The following TNXB variants were observed in gnomAD, a reference collection of about 807,000 sequenced individuals.
TNXB encodes the protein tenascin-X.
Under a neutral mutation model 340.5 loss-of-function variants are expected in TNXB, and 183 were observed. That is an observed-to-expected ratio of 0.54 (90% CI 0.48 to 0.61). The LOEUF (loss-of-function observed/expected upper bound fraction) is 0.61. Ranked by LOEUF, TNXB falls within the 20% of genes least tolerant of loss-of-function variation. The probability of loss-of-function intolerance (pLI) is 0.00; values close to 1 mark genes in which losing one functional copy is unlikely to be tolerated. For missense variants in TNXB, 4,613 were observed against 5,446.4 expected (o/e 0.85, Z 4.82); for synonymous variants, 2,121 against 2,314.5 (o/e 0.92, Z 2.40).
intron 18 of TNXB, among the ~76,000 whole-genome samples, chr6:32,066,138 T>C (rs1398249666): frequency 3.9e-5 from 6 of 152,112 alleles, no homozygotes; most frequent in Non-Finnish European, 8.8e-5. Flanking sequence ...ATGCCTGCTA[T>C]CCCAGCACTT....
chr6:32,068,240 C>G lies in TNXB; in HGVS notation c.6220+150G>C. On this transcript the variant is annotated intron_variant, in intron 17 of 43. Coordinates refer to ENST00000644971, the MANE Select transcript of TNXB (RefSeq NM_001365276.2). The surrounding 1 kb of genome is among the most constrained non-coding windows in gnomAD (Gnocchi z 5.3). ...CAGGAGGAGCCAGTGGTCAACCTCA[C>G]AGGAAGGCCCAAGGGGAGCCCCAGC... 7.9e-7 allele frequency: 1 copy of G among 1,266,630 alleles called. No individual in the cohort carries two copies. Among genetic ancestry groups the G allele is most frequent in the Non-Finnish European group, 1.1e-6 (1 of 928,036 alleles). 78.5% of individuals were successfully genotyped at this position (1,266,630 alleles called of 1,614,324 possible). A position where few individuals can be genotyped will look rare whatever the true frequency, so the allele number is the denominator to read the frequency against.
chr6:32,097,151 C>T lies in TNXB; in HGVS notation c.702G>A (p.Val234=), dbSNP rs768963346. ...CGGGGCCTGAGAAGCCTGCCCGGCACACACACACGCCCTGCACGCAGCGCC... is the reference window on the plus strand; with the variant it reads ...CGGGGCCTGAGAAGCCTGCCCGGCATACACACACGCCCTGCACGCAGCGCC... ...GRGRCVQGVC[V]CRAGFSGPDC... Residue 234 remains valine (V), a synonymous_variant, in exon 3 of 44, where the codon GTG becomes GTA. Coordinates refer to ENST00000644971, the MANE Select transcript of TNXB (RefSeq NM_001365276.2). The surrounding 1 kb of genome is among the most constrained non-coding windows in gnomAD (Gnocchi z 5.9). The T allele has an allele frequency of 2.5e-5, 40 of 1,600,252 alleles. No homozygotes were observed. Among genetic ancestry groups the T allele is most frequent in the Non-Finnish European group, 3.4e-5 (40 of 1,174,212 alleles).
At position 32,090,847 on chromosome 6, in the gene TNXB, G is replaced by C. The variant is rs752377140; in HGVS notation, c.2359-1468C>G. 1.3e-5 allele frequency among the ~76,000 whole-genome samples: 2 copies of C among 151,968 alleles called. No individual in the cohort carries two copies. The highest frequency in any genetic ancestry group is 6.6e-5 in the Admixed American group (1 of 15,258). ...CAGAATTTATTTGTTCATTTTCTCT[G>C]TGTGTGTGTATGTCTCTTTCTCTTT... On this transcript the variant is annotated intron_variant, in intron 4 of 43. Transcript: ENST00000644971. This position sits in a 1 kb window ranked among gnomAD's most constrained non-coding sequence, Gnocchi z 4.3.
chr6:32,050,202 A>C lies in TNXB; in HGVS notation c.9235T>G (p.Ser3079Ala), dbSNP rs1370576083. 2 of 1,613,714 alleles carry C rather than the reference A, an allele frequency of 1.2e-6. No individual in the cohort carries two copies. The highest frequency in any genetic ancestry group is 1.7e-6 in the Non-Finnish European group (2 of 1,179,888). ...TDATPDSLSLSWMVPEGQFDH... is the reference protein window; with the variant it reads ...TDATPDSLSLAWMVPEGQFDH... ...AACTGGCCCTCGGGAACCATCCAGGACAGGCTGAGGGAGTCGGGGGTGGCA... is the reference window on the plus strand; with the variant it reads ...AACTGGCCCTCGGGAACCATCCAGGCCAGGCTGAGGGAGTCGGGGGTGGCA... The change falls in exon 27 of 44, where the codon TCC becomes GCC. Residue 3079 changes from serine to alanine, a missense_variant. Coordinates refer to ENST00000644971, the MANE Select transcript of TNXB (RefSeq NM_001365276.2).
In TNXB at chr6:32,068,645, G is replaced by C; in HGVS notation, c.5965C>G (p.Arg1989Gly). Residue 1989 changes from arginine to glycine, a missense_variant, in exon 17 of 44, where the codon CGC (arginine) becomes GGC (glycine). Physicochemically the swap from Arg to Gly is moderately radical, Grantham distance 125. This residue lies in a region of TNXB where 4,327 missense variants were observed against 4,859.4 expected (regional missense o/e 0.89). Transcript: ENST00000644971. The surrounding 1 kb of genome is among the most constrained non-coding windows in gnomAD (Gnocchi z 5.3). ...TCTGTCACGGTCAGCTCCCCCAGGCGAGGCTTGATGGGGGGCTCGGGGGTT... is the reference window on the plus strand; with the variant it reads ...TCTGTCACGGTCAGCTCCCCCAGGCCAGGCTTGATGGGGGGCTCGGGGGTT... ...TATPEPPIKP[R>G]LGELTVTDAT... 1 of 1,613,958 alleles carries C rather than the reference G, an allele frequency of 6.2e-7. No homozygotes were observed. The highest frequency in any genetic ancestry group is 8.5e-7 in the Non-Finnish European group (1 of 1,179,888).
intron 4 of TNXB, among the ~76,000 whole-genome samples, chr6:32,094,425 C>A (rs983955129): frequency 3.9e-5 from 6 of 152,096 alleles, no homozygotes; most frequent in South Asian, 2.1e-4. Context: ...ACTTAAAAAA[C>A]CAAATATGAC....
Position 32,056,174 on chromosome 6 carries a change from G to A in TNXB, c.8144C>T (p.Ala2715Val). The A allele has an allele frequency of 1.2e-6, 2 of 1,610,814 alleles. No individual in the cohort carries two copies. Among genetic ancestry groups the A allele is most frequent in the Non-Finnish European group, 1.7e-6 (2 of 1,178,494 alleles). ...GGGGCTGGGGGTCTCTTCCTCTGCA[G>A]CTGAGAAAAGGAGATATAGAGAGGA... Reference protein sequence around the residue: ...VGPISVIGVTAAEEETPSPTE... With the variant: ...VGPISVIGVTVAEEETPSPTE... Residue 2715 changes from alanine to valine, a missense_variant and splice_region_variant, in exon 24 of 44, where the codon GCT (alanine) becomes GTT (valine). Coordinates refer to ENST00000644971, the MANE Select transcript of TNXB (RefSeq NM_001365276.2).
intron 4 of TNXB, among the ~76,000 whole-genome samples, chr6:32,094,114 A>AAAG (rs1479528496): frequency 8.0e-5 from 12 of 150,362 alleles, no homozygotes; most frequent in African/African-American, 2.9e-4. Flanking sequence ...AAAAAAAAAA[A>AAAG]AAAAAAAAAA....
intron 31 of TNXB, chr6:32,045,897 G>A (rs1175993691): frequency 6.7e-6 from 8 of 1,201,930 alleles, no homozygotes; most frequent in South Asian, 7.3e-5. Context: ...CAGCCCCAGC[G>A]AGTAATGAGG....
At position 32,043,050 on chromosome 6, in the gene TNXB, C is replaced by T; in HGVS notation, c.11826G>A (p.Lys3942=). 4.7e-6 allele frequency: 1 copy of T among 212,348 alleles called. No homozygotes were observed. Among genetic ancestry groups the T allele is most frequent in the Non-Finnish European group, 8.2e-6 (1 of 122,240 alleles). The allele number at this position is 212,348 out of a possible 1,614,324, so 13.2% of individuals were successfully genotyped here. The change falls in exon 38 of 44, where the codon AAG becomes AAA. Residue 3942 remains lysine, a synonymous_variant. Transcript: ENST00000644971. ...GCAGGGCGGTGCGGGGGGTCACTTCCTTGGCCTCCAAGTCCCGAGGGGCCT... is the reference window on the plus strand; with the variant it reads ...GCAGGGCGGTGCGGGGGGTCACTTCTTTGGCCTCCAAGTCCCGAGGGGCCT... ...GLEAPRDLEA[K]EVTPRTALLT... is the part of the protein sequence containing the mutation.
chr6:32,045,571 C>CT (rs1323419857), intron 31 of TNXB: 10 of 603,650 alleles, frequency 1.7e-5, no homozygotes, highest in Non-Finnish European at 2.3e-5. Flanking sequence ...AGGCTCTGGC[C>CT]CCACCCATGC....
Position 32,067,179 on chromosome 6 carries a change from G to GAA in TNXB, c.6544+480_6544+481dup, listed in dbSNP as rs1033869794. 1.3e-5 allele frequency among the ~76,000 whole-genome samples: 2 copies of GAA among 150,324 alleles called. No homozygotes were observed. The highest frequency in any genetic ancestry group is 2.4e-5 in the African/African-American group (1 of 40,988). ...AGAAAGAAAGAAAGAAAGAAAGAAA[G>GAA]AAAGAAAACATTCTAGTGATTCTAG... On this transcript the variant is annotated intron_variant, in intron 18 of 43. Transcript: ENST00000644971. This position sits in a 1 kb window ranked among gnomAD's most constrained non-coding sequence, Gnocchi z 4.2.
At chr6:32,102,765 C>A (rs2127300896) in intron 1 of TNXB, among the ~76,000 whole-genome samples, 1 of 152,002 alleles carries the variant, frequency 6.6e-6, no homozygotes, top group South Asian at 2.1e-4. Flanking sequence ...ACTAAAAATA[C>A]AAAAATTAGC....
chr6:32,084,820 G>A lies in TNXB; in HGVS notation c.3149-111C>T, dbSNP rs976123233. ...CTCCATCCTGGATAGATCCCTCCCC[G>A]GAAGACTCTATCTGCCCACCCCTCA... is the stretch of plus-strand genomic sequence containing the variant. On this transcript the variant is annotated intron_variant, in intron 7 of 43. Transcript: ENST00000644971. This position sits in a 1 kb window ranked among gnomAD's most constrained non-coding sequence, Gnocchi z 5.5. The A allele has an allele frequency of 1.1e-5, 11 of 1,002,268 alleles. No homozygotes were observed. The highest frequency in any genetic ancestry group is 9.0e-5 in the Admixed American group (3 of 33,332). The allele number at this position is 1,002,268 out of a possible 1,614,324, so 62.1% of individuals were successfully genotyped here. A position where few individuals can be genotyped will look rare whatever the true frequency, so the allele number is the denominator to read the frequency against.
chr6:32,082,048 C>G lies in TNXB; in HGVS notation c.3724G>C (p.Asp1242His), dbSNP rs773796746. 3 of 1,603,522 alleles carry G rather than the reference C, an allele frequency of 1.9e-6. No homozygotes were observed. The Admixed American group carries it at 5.1e-5, about 27-fold the overall frequency. ...NKKRYGPLTA[D>H]GTTAPERKEE... The stretch of plus-strand genomic sequence containing the variant: ...GGCTGCTACTCACCAGTGGTGCCAT[C>G]GGCCGTGAGGGGGCCATACCGCTTC... The change falls in exon 9 of 44, where the codon GAT becomes CAT. Residue 1242 changes from aspartate to histidine, a missense_variant. This residue lies in a region of TNXB where 4,327 missense variants were observed against 4,859.4 expected (regional missense o/e 0.89). Transcript: ENST00000644971. The surrounding 1 kb of genome is among the most constrained non-coding windows in gnomAD (Gnocchi z 5.0).
rs190169562 is a variant in TNXB at position 32,058,565 on chromosome 6, C to T, written c.7493-175G>A. Among the ~76,000 whole-genome samples the T allele has an allele frequency of 3.9e-4, 59 of 151,866 alleles. No homozygotes were observed. In the East Asian group the frequency reaches 0.011, roughly 29 times the overall value. On this transcript the variant is annotated intron_variant, in intron 21 of 43. Transcript: ENST00000644971. The surrounding 1 kb of genome is among the most constrained non-coding windows in gnomAD (Gnocchi z 5.1). ...GGAATAAGAGCCGGTGAGGTATCCC[C>T]GAGCCCCCGGCCTGTACTGCTGGCA...
chr6:32,093,505 T>C, intron 4 of TNXB: 1 of 662,966 alleles, frequency 1.5e-6, no homozygotes, highest in Non-Finnish European at 2.8e-6. Context: ...AGGATGACAG[T>C]TCCTCTGAGC....
intron 21 of TNXB, among the ~76,000 whole-genome samples, chr6:32,059,451 G>T (rs992297860): frequency 3.6e-5 from 4 of 112,108 alleles, no homozygotes; most frequent in East Asian, 5.6e-4. Flanking sequence ...AAGAAAGAAA[G>T]AAATTCTGGG....
chr6:32,068,285 G>A lies in TNXB; in HGVS notation c.6220+105C>T, dbSNP rs1197196896. On this transcript the variant is annotated intron_variant, in intron 17 of 43. Transcript: ENST00000644971. The surrounding 1 kb of genome is among the most constrained non-coding windows in gnomAD (Gnocchi z 5.3). ...CCCAGCCCCAGCCACAAGCAGGTCT[G>A]TGGTGCTGACCAGACCCTTGTCCCA... The A allele has an allele frequency of 6.8e-7, 1 of 1,470,632 alleles. No individual in the cohort carries two copies. Among genetic ancestry groups the A allele is most frequent in the African/African-American group, 1.4e-5 (1 of 71,714 alleles). The allele number at this position is 1,470,632 out of a possible 1,614,324, so 91.1% of individuals were successfully genotyped here. A position where few individuals can be genotyped will look rare whatever the true frequency, so the allele number is the denominator to read the frequency against.
Sources: gnomAD v4.1 joint callset for allele counts (sites outside exome capture counted in the v4.1 genomes callset) on GRCh38, gnomAD v4.1.1 for gene constraint, gnomAD v4.1.1 regional missense constraint, Gnocchi (gnomAD v3.1) non-coding constraint, MANE v1.5 for transcripts, NCBI Gene and HGNC (gene_info 2026-07-23, HGNC 2026-07-21) for gene names.